TRPC5: variants seen among roughly 807,000 people sequenced by gnomAD.
The protein encoded by TRPC5 is transient receptor potential cation channel subfamily C member 5.
In TRPC5, 9 loss-of-function variants were observed where a neutral mutation model predicts 56.5. The observed-to-expected ratio is 0.16, with a 90% confidence interval of 0.10 to 0.28. The LOEUF (loss-of-function observed/expected upper bound fraction) is 0.28, where lower values mean the gene tolerates loss of function less well. Among genes scored for constraint, TRPC5 ranks in the 10% least tolerant of loss-of-function variants. The pLI is 1.00. For synonymous variants in TRPC5, 282 were observed against 278.5 expected, an observed-to-expected ratio of 1.01 and a Z score of -0.13; for missense variants, 469 against 748.9, an observed-to-expected ratio of 0.63 and a Z score of 4.36.
chrX:111,868,225 G>A (rs1276968171), intron 3 of TRPC5, among the ~76,000 whole-genome samples: 1 of 112,034 alleles, frequency 8.9e-6, no homozygotes, highest in African/African-American at 3.2e-5. Context: ...GGATCTGGTC[G>A]TGGGGATGGG....
chrX:111,953,270 G>A (rs1169012847), intron 1 of TRPC5, among the ~76,000 whole-genome samples: 4 of 112,033 alleles, frequency 3.6e-5, no homozygotes, highest in Non-Finnish European at 7.5e-5. Context: ...TCTGATAAGT[G>A]AATGGTCTGT....
intron 7 of TRPC5, among the ~76,000 whole-genome samples, chrX:111,825,211 CTTTCTTTCTTCTTTCTT>C (rs1158603121): frequency 1.6e-4 from 9 of 57,065 alleles, no homozygotes; most frequent in East Asian, 5.3e-4. Context: ...TTCTTTCTTT[CTTTCTTTCTTCTTTCTT>C]TCTCTCTCTC....
At chrX:111,808,333 C>G (rs192602310) in intron 7 of TRPC5, among the ~76,000 whole-genome samples, 1,202 of 110,332 alleles carry the variant, frequency 0.011, 11 homozygotes, top group African/African-American at 0.037. Flanking sequence ...GAGCTGGCAC[C>G]CAAGCCACAA....
intron 3 of TRPC5, chrX:111,895,808 C>T (rs182199688): frequency 1.7e-3 from 191 of 111,666 alleles, no homozygotes; most frequent in African/African-American, 5.8e-3. Context: ...TCAATTTGTT[C>T]TTCCTGAAGA....
At chrX:111,944,293 T>A (rs1333893104) in intron 2 of TRPC5, among the ~76,000 whole-genome samples, 1 of 87,178 alleles carries the variant, frequency 1.1e-5, no homozygotes, top group African/African-American at 5.5e-5. Flanking sequence ...TGTGTGTGTG[T>A]GTGTGTGTGT....
chrX:111,932,208 A>G (rs138562171), intron 2 of TRPC5, among the ~76,000 whole-genome samples: 3,312 of 111,774 alleles, frequency 0.03, 133 homozygotes, highest in African/African-American at 0.1. Flanking sequence ...ATCAATGAAT[A>G]TCAACCAATA....
At chrX:112,031,300 C>T (rs144937089) in intron 1 of TRPC5, among the ~76,000 whole-genome samples, 3 of 111,904 alleles carry the variant, frequency 2.7e-5, no homozygotes, top group African/African-American at 9.7e-5. Flanking sequence ...ATTTCCTGCT[C>T]CCTCCAGTCC....
At chrX:111,992,996 T>C (rs916876256) in intron 1 of TRPC5, among the ~76,000 whole-genome samples, 35 of 110,546 alleles carry the variant, frequency 3.2e-4, no homozygotes, top group African/African-American at 1.1e-3. Context: ...TGGTTTGCTG[T>C]ACCCATCAAC....
chrX:111,968,146 C>T (rs1316316962), intron 1 of TRPC5, among the ~76,000 whole-genome samples: 1 of 111,458 alleles, frequency 9.0e-6, no homozygotes, highest in Non-Finnish European at 1.9e-5. Flanking sequence ...AAAAAAACCC[C>T]ATCAAAAAGT....
intron 1 of TRPC5, among the ~76,000 whole-genome samples, chrX:112,043,387 C>A (rs1168283104): frequency 8.9e-6 from 1 of 111,929 alleles, no homozygotes; most frequent in Non-Finnish European, 1.9e-5. Flanking sequence ...CTATCTGTGG[C>A]AGAAGCCACT....
chrX:111,967,930 A>G (rs1031205393), intron 1 of TRPC5, among the ~76,000 whole-genome samples: 11 of 111,172 alleles, frequency 9.9e-5, no homozygotes, highest in Non-Finnish European at 1.7e-4. Flanking sequence ...CTTCATGTCT[A>G]AAACACCAAA....
intron 1 of TRPC5, among the ~76,000 whole-genome samples, chrX:112,019,529 G>A (rs1205183667): frequency 2.7e-5 from 3 of 110,167 alleles, no homozygotes; most frequent in East Asian, 2.9e-4. Context: ...TCCGCCTCGC[G>A]GGTTCACGCC....
chrX:111,934,398 A>G, intron 2 of TRPC5, among the ~76,000 whole-genome samples: 1 of 110,977 alleles, frequency 9.0e-6, no homozygotes, highest in Non-Finnish European at 1.9e-5. Context: ...TGATACAAGC[A>G]TACCATGCAT....
chrX:111,806,427 A>G (rs983803890), intron 7 of TRPC5, among the ~76,000 whole-genome samples: 3 of 111,988 alleles, frequency 2.7e-5, no homozygotes, highest in Non-Finnish European at 3.8e-5. Flanking sequence ...TTAGTTCTTC[A>G]TGGGCTATGC....
At chrX:112,081,152 T>G (rs1375604562) in intron 1 of TRPC5, among the ~76,000 whole-genome samples, 1 of 111,874 alleles carries the variant, frequency 8.9e-6, no homozygotes, top group Non-Finnish European at 1.9e-5. Flanking sequence ...GCCCTTCTAG[T>G]CTCATTCTAA....
At position 111,902,117 on chromosome X, in the gene TRPC5, A is replaced by G. The variant is rs1458911360; in HGVS notation, c.900+10174T>C. The G allele has an allele frequency of 6.9e-6, 8 of 1,151,463 alleles. No homozygotes were observed. In the East Asian group the frequency reaches 2.0e-4, roughly 28 times the overall value. The allele number at this position is 1,151,463 out of a possible 1,213,427, so 94.9% of individuals were successfully genotyped here. A position where few individuals can be genotyped will look rare whatever the true frequency, so the allele number is the denominator to read the frequency against. ...CCTAATATTTGATATAGATCAGGCT[A>G]TGTTAGACATGGATAACTTATATGA... On this transcript the variant is annotated intron_variant, in intron 3 of 10. Transcript: ENST00000262839.
intron 1 of TRPC5, among the ~76,000 whole-genome samples, chrX:112,004,388 G>A (rs1928778157): frequency 8.9e-6 from 1 of 111,973 alleles, no homozygotes; most frequent in Non-Finnish European, 1.9e-5. Context: ...AGGAGGTAAT[G>A]AAGTGAGATA....
intron 1 of TRPC5, among the ~76,000 whole-genome samples, chrX:112,024,483 G>A (rs1176930778): frequency 1.8e-5 from 2 of 111,883 alleles, no homozygotes; most frequent in Admixed American, 1.9e-4. Flanking sequence ...TCTCAAGCCT[G>A]TGGCTTTTGG....
intron 3 of TRPC5, among the ~76,000 whole-genome samples, chrX:111,859,169 T>C (rs1923325882): frequency 9.0e-6 from 1 of 111,668 alleles, no homozygotes; most frequent in Admixed American, 9.5e-5. Flanking sequence ...GTTTTCATTG[T>C]TAGCCCCAGA....
Sources: allele counts gnomAD v4.1 joint callset (sites outside exome capture counted in the v4.1 genomes callset), GRCh38; gene constraint gnomAD v4.1.1; transcripts MANE v1.5; gene names NCBI Gene and HGNC (gene_info 2026-07-23, HGNC 2026-07-21).